KMT2C: variants seen among roughly 807,000 people sequenced by gnomAD.
The protein encoded by KMT2C is histone-lysine N-methyltransferase 2C.
Under a neutral mutation model 507.9 loss-of-function variants are expected in KMT2C, and 88 were observed. The ratio of observed to expected loss-of-function variants is 0.17; its 90% CI spans 0.15 to 0.21. The LOEUF (loss-of-function observed/expected upper bound fraction) is 0.21. KMT2C is among the 10% of genes least tolerant of loss of function. The pLI is 1.00. For synonymous variants in KMT2C, 2,049 were observed against 2,080.8 expected, an observed-to-expected ratio of 0.98 and a Z score of 0.42; for missense variants, 4,954 against 5,957.8, an observed-to-expected ratio of 0.83 and a Z score of 5.55.
chr7:152,426,902 T>C (rs1189901528), intron 1 of KMT2C, among the ~76,000 whole-genome samples: 1 of 152,182 alleles, frequency 6.6e-6, no homozygotes, highest in South Asian at 2.1e-4. Context: ...CCCCCAGAAT[T>C]TGGTTTTCTC....
chr7:152,367,800 C>T (rs1217529428), intron 1 of KMT2C: 10 of 933,104 alleles, frequency 1.1e-5, no homozygotes, highest in Admixed American at 3.4e-5. Context: ...AGTGAACAGA[C>T]GTCAGATGCC....
chr7:152,427,283 G>A (rs962356610), intron 1 of KMT2C, among the ~76,000 whole-genome samples: 2 of 152,142 alleles, frequency 1.3e-5, no homozygotes, highest in Non-Finnish European at 2.9e-5. Context: ...AAAGTGCTGG[G>A]ATTACAGGCG....
chr7:152,192,848 T>G (rs1325444854), intron 31 of KMT2C, among the ~76,000 whole-genome samples: 3 of 151,978 alleles, frequency 2.0e-5, no homozygotes, highest in Non-Finnish European at 4.4e-5. Flanking sequence ...GACAATAGGA[T>G]AGAGAGAGAT....
chr7:152,163,100 T>C lies in KMT2C; in HGVS notation c.10477A>G (p.Ile3493Val), dbSNP rs542759041. 54 of 1,614,212 alleles carry C rather than the reference T, an allele frequency of 3.3e-5. No individual in the cohort carries two copies. Among genetic ancestry groups the C allele is most frequent in the Middle Eastern group, 1.6e-4 (1 of 6,062 alleles). The part of the protein sequence containing the change: ...LQQQNIQQGS[I>V]NSPSTQTFMQ... ...AAAGTTTGGGTGGAGGGTGAATTAA[T>C]TGATCCTTGTTGTATATTCTGCTGC... The change falls in exon 43 of 59, where the codon ATT becomes GTT. Residue 3493 changes from isoleucine to valine, a missense_variant. Physicochemically the swap from Ile to Val is conservative, Grantham distance 29. Transcript: ENST00000262189.
At chr7:152,142,337 T>C (rs2090656934) in intron 55 of KMT2C, among the ~76,000 whole-genome samples, 1 of 152,148 alleles carries the variant, frequency 6.6e-6, no homozygotes, top group African/African-American at 2.4e-5. Flanking sequence ...AGGATATGAA[T>C]ACGCAATTCC....
intron 6 of KMT2C, among the ~76,000 whole-genome samples, chr7:152,279,004 A>G (rs1210175799): frequency 4.6e-5 from 7 of 152,264 alleles, no homozygotes; most frequent in African/African-American, 1.7e-4. Context: ...AATAGAGAAA[A>G]CATTCTATTC....
chr7:152,219,753 A>T (rs891308134), intron 23 of KMT2C, among the ~76,000 whole-genome samples: 2 of 152,166 alleles, frequency 1.3e-5, no homozygotes, highest in Admixed American at 6.5e-5. Flanking sequence ...TGCTATCTCA[A>T]GAACTCAGCA....
chr7:152,310,746 T>C (rs2096664379), intron 5 of KMT2C, among the ~76,000 whole-genome samples: 1 of 152,060 alleles, frequency 6.6e-6, no homozygotes, highest in South Asian at 2.1e-4. Context: ...TTCAGTGGCA[T>C]GAACACAGCT....
chr7:152,142,775 G>T (rs1001647445), intron 55 of KMT2C, among the ~76,000 whole-genome samples: 1 of 152,208 alleles, frequency 6.6e-6, no homozygotes. Context: ...AGCTACGTCA[G>T]TTGATCGAGA....
chr7:152,325,800 T>A (rs184894713), intron 3 of KMT2C, among the ~76,000 whole-genome samples: 32 of 152,306 alleles, frequency 2.1e-4, no homozygotes, highest in Non-Finnish European at 2.9e-4. Flanking sequence ...AAGTCTTTCC[T>A]TACCCCAAAG....
At chr7:152,242,442 G>C (rs2095404837) in intron 14 of KMT2C, among the ~76,000 whole-genome samples, 1 of 151,958 alleles carries the variant, frequency 6.6e-6, no homozygotes, top group Non-Finnish European at 1.5e-5. Flanking sequence ...TCTACAAACT[G>C]AATTAAAAGC....
intron 6 of KMT2C, among the ~76,000 whole-genome samples, chr7:152,277,685 A>T (rs879369683): frequency 2.6e-5 from 4 of 152,170 alleles, no homozygotes; most frequent in Non-Finnish European, 4.4e-5. Context: ...TCTTGGAGCC[A>T]CATAAAAAAG....
rs1246790472 is a variant in KMT2C, at chr7:152,176,848, A to T, written c.8605T>A (p.Ser2869Thr). 7 of 1,614,090 alleles carry T rather than the reference A, an allele frequency of 4.3e-6. No individual in the cohort carries two copies. The highest frequency in any genetic ancestry group is 2.2e-5 in the East Asian group (1 of 44,900). Reference sequence around the variant, plus strand: ...AGATCTGGATCACAAGGATGCAAAGAAGTCTTTTCTCCATCATTTAGGTCT... The same window carrying T: ...AGATCTGGATCACAAGGATGCAAAGTAGTCTTTTCTCCATCATTTAGGTCT... The part of the protein sequence containing the change: ...HSDLNDGEKT[S>T]LHPCDPDLFE... Residue 2869 changes from serine to threonine, a missense_variant, in exon 38 of 59, where the codon TCT becomes ACT. Around this residue, in one of 29 missense-constraint regions of KMT2C, gnomAD observed 1,689 missense variants for 1,654.3 expected, o/e 1.02. Transcript: ENST00000262189.
intron 9 of KMT2C, among the ~76,000 whole-genome samples, chr7:152,256,100 G>A (rs2095657430): frequency 6.6e-6 from 1 of 152,076 alleles, no homozygotes; most frequent in East Asian, 1.9e-4. Context: ...AACCCGCGAG[G>A]GGGAGGTTGC....
intron 26 of KMT2C, 48 bp from the exon 27 acceptor site, chr7:152,199,507 G>C (rs779200851): frequency 8.4e-7 from 1 of 1,189,124 alleles, no homozygotes. Context: ...ATTCTAAAAA[G>C]ACAATAGATT....
At chr7:152,255,109 T>TATATATATATATATATATATATATA (rs1588626891) in intron 9 of KMT2C, among the ~76,000 whole-genome samples, 3 of 78,340 alleles carry the variant, frequency 3.8e-5, no homozygotes, top group Non-Finnish European at 8.1e-5. Flanking sequence ...CAACTCTCAC[T>TATATATATATATATATATATATATA]TATATATATA....
At chr7:152,139,892 CTT>C (rs2090333651) in intron 55 of KMT2C, 101 bp from the exon 56 acceptor site, 1 of 766,592 alleles carries the variant, frequency 1.3e-6, no homozygotes, top group African/African-American at 1.7e-5. Context: ...AGAAGCCATA[CTT>C]AAGTTTCACT....
chr7:152,145,108 G>T, intron 54 of KMT2C, 45 bp downstream of exon 54: 2 of 1,588,572 alleles, frequency 1.3e-6, no homozygotes, highest in Middle Eastern at 1.7e-4. Context: ...CCACTAATAC[G>T]CCTAGAAACC....
Position 152,194,072 on chromosome 7 carries a change from T to A in KMT2C, c.4597A>T (p.Thr1533Ser). 1 of 1,594,148 alleles carries A rather than the reference T, an allele frequency of 6.3e-7. No individual in the cohort carries two copies. Among genetic ancestry groups the A allele is most frequent in the Non-Finnish European group, 8.5e-7 (1 of 1,173,630 alleles). ...LFTAVLSPAN[T>S]QPTPLPQPPP... ...GGCTGTGGCAATGGAGTTGGCTGAG[T>A]GTTCGCAGGACTAAGTACAGCTGTA... is the stretch of plus-strand genomic sequence containing the variant. The change falls in exon 31 of 59, where the codon ACT (threonine) becomes TCT (serine). Residue 1533 changes from threonine (T) to serine (S), a missense_variant. Around this residue, in one of 29 missense-constraint regions of KMT2C, gnomAD observed 195 missense variants for 183.7 expected, o/e 1.06. Transcript: ENST00000262189.
Sources: allele counts gnomAD v4.1 joint callset (sites outside exome capture counted in the v4.1 genomes callset), GRCh38; gene constraint gnomAD v4.1.1; regional missense constraint gnomAD v4.1.1; transcripts MANE v1.5; gene names NCBI Gene and HGNC (gene_info 2026-07-23, HGNC 2026-07-21).